UAP1: variants seen among roughly 807,000 people sequenced by gnomAD.
The protein encoded by UAP1 is UDP-N-acetylhexosamine pyrophosphorylase.
A neutral mutation model predicts 58.5 loss-of-function variants in UAP1; 25 were observed. The observed-to-expected ratio is 0.43, with a 90% CI of 0.31 to 0.60. The LOEUF (loss-of-function observed/expected upper bound fraction) is 0.60. UAP1 is among the 20% of genes least tolerant of loss of function. UAP1 has a pLI of 0.11. For synonymous variants in UAP1, 208 were observed against 213.0 expected (o/e 0.98, Z 0.21); for missense variants, 575 against 630.0 (o/e 0.91, Z 0.93).
intron 2 of UAP1, among the ~76,000 whole-genome samples, chr1:162,574,842 A>G (rs1171714358): frequency 6.6e-6 from 1 of 151,760 alleles, no homozygotes; most frequent in African/African-American, 2.4e-5. Flanking sequence ...TAGCTTTTAT[A>G]GTTACATTTA....
chr1:162,565,298 A>G (rs1407592631), intron 1 of UAP1, among the ~76,000 whole-genome samples: 1 of 152,172 alleles, frequency 6.6e-6, no homozygotes, highest in Non-Finnish European at 1.5e-5. Flanking sequence ...TTTTAGCACT[A>G]TGAAGTTTAA....
At chr1:162,586,084 G>A (rs910044248) in intron 5 of UAP1, among the ~76,000 whole-genome samples, 1 of 152,148 alleles carries the variant, frequency 6.6e-6, no homozygotes, top group Non-Finnish European at 1.5e-5. Context: ...TGGACTCAGT[G>A]CCTATATCTC....
chr1:162,565,973 T>C (rs998254320), intron 1 of UAP1, 39 bp from the exon 2 acceptor site: 4 of 1,352,618 alleles, frequency 3.0e-6, no homozygotes, highest in Non-Finnish European at 4.0e-6. Context: ...ATTTTGGAGG[T>C]TGGATTTTGA....
downstream of UAP1, among the ~76,000 whole-genome samples, chr1:162,601,193 T>C (rs1241834258): frequency 6.6e-6 from 1 of 152,206 alleles, no homozygotes; most frequent in East Asian, 1.9e-4. Context: ...CAGAATTGGG[T>C]AAAATGTTTA....
At chr1:162,599,324 T>G in exon 11 of UAP1, 1 of 1,612,454 alleles carries the variant, frequency 6.2e-7, no homozygotes, top group Non-Finnish European at 8.5e-7. Context: ...TAATCATCGA[T>G]GAGAATGGAG....
chr1:162,571,487 T>G (rs1361080905), intron 2 of UAP1, among the ~76,000 whole-genome samples: 1 of 152,154 alleles, frequency 6.6e-6, no homozygotes, highest in Non-Finnish European at 1.5e-5. Flanking sequence ...GTAGGAAAAT[T>G]ATTAACCCTT....
intron 5 of UAP1, among the ~76,000 whole-genome samples, chr1:162,583,146 CTTTTTTTTTTTT>C (rs11376471): frequency 2.6e-4 from 18 of 68,044 alleles, no homozygotes; most frequent in Admixed American, 1.5e-3. Context: ...TGGTGTCACT[CTTTTTTTTTTTT>C]TTTTTTTTTT....
intron 8 of UAP1, 59 bp downstream of exon 8, chr1:162,590,570 TTCTCTCTC>T (rs113405147): frequency 1.6e-6 from 2 of 1,288,954 alleles, no homozygotes; most frequent in Non-Finnish European, 2.1e-6. Context: ...CCTCTTGGAC[TTCTCTCTC>T]TCTCTCTCTC....
chr1:162,586,491 A>AT (rs200175539), intron 5 of UAP1, among the ~76,000 whole-genome samples: 2 of 127,396 alleles, frequency 1.6e-5, no homozygotes, highest in Non-Finnish European at 3.5e-5. Context: ...CGCCTGGCTA[A>AT]TTTTTTTATT....
chr1:162,563,984 A>G (rs1358911172), intron 1 of UAP1, among the ~76,000 whole-genome samples: 2 of 152,170 alleles, frequency 1.3e-5, no homozygotes, highest in South Asian at 2.1e-4. Context: ...TCCTACTACA[A>G]TGTACTCCCT....
At chr1:162,587,409 A>G in intron 5 of UAP1, 66 bp from the exon 6 acceptor site, 1 of 1,441,198 alleles carries the variant, frequency 6.9e-7, no homozygotes, top group South Asian at 1.3e-5. Flanking sequence ...CATCTTTGAC[A>G]ATGGCAAATC....
intron 8 of UAP1, among the ~76,000 whole-genome samples, chr1:162,591,638 A>G (rs1323354477): frequency 6.6e-6 from 1 of 152,110 alleles, no homozygotes. Flanking sequence ...CTCGCCTGCC[A>G]TAAAGCCCAG....
intron 10 of UAP1, 43 bp from the exon 11 acceptor site, chr1:162,599,228 G>A (rs770688955): frequency 1.4e-6 from 2 of 1,426,878 alleles, no homozygotes; most frequent in Admixed American, 3.4e-5. Context: ...TGCATGACAA[G>A]TGCAAATTTT....
intron 5 of UAP1, among the ~76,000 whole-genome samples, chr1:162,586,653 TAA>T (rs1654921044): frequency 6.6e-6 from 1 of 152,216 alleles, no homozygotes; most frequent in South Asian, 2.1e-4. Flanking sequence ...TCTAAACACT[TAA>T]GTCAGTGATG....
intron 9 of UAP1, among the ~76,000 whole-genome samples, chr1:162,595,406 T>TC (rs1467105502): frequency 1.3e-5 from 2 of 152,278 alleles, no homozygotes; most frequent in Admixed American, 6.5e-5. Context: ...CCTCATTTTT[T>TC]CCTTTTTTTT....
chr1:162,576,693 T>G (rs568971859), intron 2 of UAP1, 84 bp from the exon 3 acceptor site: 11 of 1,289,378 alleles, frequency 8.5e-6, no homozygotes, highest in African/African-American at 1.5e-5. Flanking sequence ...TCCTTTTTGA[T>G]GAGTCTTTGC....
At chr1:162,584,202 C>T (rs1354162166) in intron 5 of UAP1, among the ~76,000 whole-genome samples, 1 of 152,210 alleles carries the variant, frequency 6.6e-6, no homozygotes, top group Non-Finnish European at 1.5e-5. Flanking sequence ...AATCCAGACT[C>T]AGTCTTCCTT....
At chr1:162,565,069 A>G (rs952422550) in intron 1 of UAP1, among the ~76,000 whole-genome samples, 2 of 151,956 alleles carry the variant, frequency 1.3e-5, no homozygotes, top group Non-Finnish European at 1.5e-5. Context: ...GGGTTTTGCC[A>G]TGTTGCCCAG....
At chr1:162,574,176 T>C (rs1224396108) in intron 2 of UAP1, among the ~76,000 whole-genome samples, 1 of 147,658 alleles carries the variant, frequency 6.8e-6, no homozygotes, top group Admixed American at 6.9e-5. Flanking sequence ...CACTGCAGCC[T>C]CCGCCTCCTG....
Sources: gnomAD v4.1 joint callset for allele counts (sites outside exome capture counted in the v4.1 genomes callset) on GRCh38, gnomAD v4.1.1 for gene constraint, MANE v1.5 for transcripts, NCBI Gene and HGNC (gene_info 2026-07-23, HGNC 2026-07-21) for gene names.